The following FSIP1 variants were observed in gnomAD, a reference collection of about 807,000 sequenced individuals.
FSIP1 encodes the protein fibrous sheath-interacting protein 1.
A neutral mutation model predicts 60.9 loss-of-function variants in FSIP1; 65 were observed. That is an observed-to-expected ratio of 1.07 (90% confidence interval 0.87 to 1.31). The LOEUF (loss-of-function observed/expected upper bound fraction) is 1.31. FSIP1 is among the 40% of genes most tolerant of loss of function. The pLI is 0.00. For missense variants in FSIP1, 675 were observed against 665.5 expected (o/e 1.01, Z -0.16); for synonymous variants, 209 against 221.2 (o/e 0.94, Z 0.49).
At chr15:39,730,352 C>T (rs1256872639) in intron 8 of FSIP1, among the ~76,000 whole-genome samples, 2 of 152,146 alleles carry the variant, frequency 1.3e-5, no homozygotes, top group East Asian at 3.8e-4. Flanking sequence ...CACATATCTA[C>T]AGTGGTTCAA....
At chr15:39,664,936 T>C (rs1258332640) in intron 10 of FSIP1, among the ~76,000 whole-genome samples, 1 of 152,214 alleles carries the variant, frequency 6.6e-6, no homozygotes, top group Admixed American at 6.5e-5. Context: ...CACTAGAATA[T>C]AAGCTCCATG....
chr15:39,640,209 G>A (rs1445332117), intron 10 of FSIP1, among the ~76,000 whole-genome samples: 6 of 152,196 alleles, frequency 3.9e-5, no homozygotes, highest in Non-Finnish European at 8.8e-5. Flanking sequence ...AAAATAGACA[G>A]AGAATTGTCA....
At chr15:39,681,108 T>C (rs1894142665) in intron 10 of FSIP1, among the ~76,000 whole-genome samples, 1 of 152,066 alleles carries the variant, frequency 6.6e-6, no homozygotes, top group Non-Finnish European at 1.5e-5. Context: ...TTAACTGGCA[T>C]ATCTTCAGGA....
intron 8 of FSIP1, among the ~76,000 whole-genome samples, chr15:39,736,023 C>G (rs911671012): frequency 1.3e-5 from 2 of 152,146 alleles, no homozygotes; most frequent in African/African-American, 4.8e-5. Flanking sequence ...ATGGACCTGC[C>G]TGAAGCTGTC....
intron 10 of FSIP1, among the ~76,000 whole-genome samples, chr15:39,634,513 A>T (rs1007047103): frequency 6.6e-6 from 1 of 152,188 alleles, no homozygotes; most frequent in Non-Finnish European, 1.5e-5. Context: ...TCATCTGGCA[A>T]CACCTGGATA....
At chr15:39,764,515 G>T (rs113454780) in intron 4 of FSIP1, among the ~76,000 whole-genome samples, 2 of 152,112 alleles carry the variant, frequency 1.3e-5, no homozygotes, top group African/African-American at 4.8e-5. Flanking sequence ...ACTGTTCAAG[G>T]AGGACTTTAT....
chr15:39,669,685 C>T (rs1305675636), intron 10 of FSIP1, among the ~76,000 whole-genome samples: 1 of 152,064 alleles, frequency 6.6e-6, no homozygotes, highest in Non-Finnish European at 1.5e-5. Flanking sequence ...AGTTATGAGG[C>T]TAAAAATTAA....
chr15:39,694,021 A>G (rs1894713044), intron 10 of FSIP1, among the ~76,000 whole-genome samples: 1 of 152,224 alleles, frequency 6.6e-6, no homozygotes, highest in African/African-American at 2.4e-5. Flanking sequence ...ATATATACAT[A>G]TCAAAAGACC....
chr15:39,657,134 G>A (rs1893103143), intron 10 of FSIP1, among the ~76,000 whole-genome samples: 1 of 152,194 alleles, frequency 6.6e-6, no homozygotes, highest in Admixed American at 6.5e-5. Flanking sequence ...GAAGATGGAG[G>A]ACACCACACC....
intron 10 of FSIP1, among the ~76,000 whole-genome samples, chr15:39,682,205 T>C (rs1276872578): frequency 6.6e-6 from 1 of 152,222 alleles, no homozygotes; most frequent in Admixed American, 6.5e-5. Context: ...GATACTTATG[T>C]CTTAAATATT....
chr15:39,768,258 T>C (rs1156344064), intron 3 of FSIP1, among the ~76,000 whole-genome samples: 1 of 152,224 alleles, frequency 6.6e-6, no homozygotes, highest in Non-Finnish European at 1.5e-5. Context: ...CTGAGTCACC[T>C]GACCTAACAG....
chr15:39,778,686 C>A (rs1458857373), intron 1 of FSIP1, among the ~76,000 whole-genome samples: 1 of 152,052 alleles, frequency 6.6e-6, no homozygotes, highest in Non-Finnish European at 1.5e-5. Context: ...AATATTATGC[C>A]TTAATTATAT....
chr15:39,746,119 G>A (rs954665339), intron 5 of FSIP1, among the ~76,000 whole-genome samples: 8 of 151,858 alleles, frequency 5.3e-5, no homozygotes, highest in Non-Finnish European at 1.0e-4. Context: ...AAAAAAACAC[G>A]ATGTTGAATG....
At chr15:39,631,269 C>G (rs912793060) in intron 10 of FSIP1, among the ~76,000 whole-genome samples, 4 of 152,208 alleles carry the variant, frequency 2.6e-5, no homozygotes, top group Non-Finnish European at 5.9e-5. Flanking sequence ...ATCCTAGGCC[C>G]AACTCCTCTT....
intron 10 of FSIP1, among the ~76,000 whole-genome samples, chr15:39,653,751 C>T (rs117551997): frequency 6.6e-6 from 1 of 152,284 alleles, no homozygotes; most frequent in East Asian, 1.9e-4. Flanking sequence ...TCTTTGCTTG[C>T]TGCCATCCAC....
At chr15:39,776,216 G>GGGAGGCAGGGAGGGAGGGAGGGAA (rs758628766) in intron 2 of FSIP1, among the ~76,000 whole-genome samples, 183 bp downstream of exon 2, 2 of 105,254 alleles carry the variant, frequency 1.9e-5, no homozygotes, top group Non-Finnish European at 4.1e-5. Context: ...GAGGGAGGGA[G>GGGAGGCAGGGAGGGAGGGAGGGAA]GGAAGGAATG....
At chr15:39,618,576 T>C (rs989547427) in intron 10 of FSIP1, among the ~76,000 whole-genome samples, 7 of 152,110 alleles carry the variant, frequency 4.6e-5, no homozygotes, top group Admixed American at 2.6e-4. Flanking sequence ...CAACTATCAG[T>C]GGACAATACT....
intron 10 of FSIP1, among the ~76,000 whole-genome samples, chr15:39,655,788 T>C (rs960291005): frequency 6.6e-6 from 1 of 152,170 alleles, no homozygotes; most frequent in African/African-American, 2.4e-5. Context: ...ATGATATATT[T>C]TGAAATGATC....
intron 10 of FSIP1, among the ~76,000 whole-genome samples, chr15:39,705,843 C>T (rs908227466): frequency 1.3e-5 from 2 of 152,012 alleles, no homozygotes; most frequent in Admixed American, 6.6e-5. Flanking sequence ...ACTAAAAATA[C>T]AAAACTTAGC....
Sources: gnomAD v4.1 joint callset for allele counts (sites outside exome capture counted in the v4.1 genomes callset) on GRCh38, gnomAD v4.1.1 for gene constraint, MANE v1.5 for transcripts, NCBI Gene and HGNC (gene_info 2026-07-23, HGNC 2026-07-21) for gene names.